Variants in PRSS23 observed in about 807,000 individuals in gnomAD.
The protein encoded by PRSS23 is serine protease 23.
Under a neutral mutation model 34.7 loss-of-function variants are expected in PRSS23, and 25 were observed. The ratio of observed to expected loss-of-function variants is 0.72; its 90% CI spans 0.53 to 1.01. The LOEUF is 1.01. Ranked by LOEUF, PRSS23 falls within the 50% of genes least tolerant of loss-of-function variation. The pLI is 0.00. For synonymous variants in PRSS23, 176 were observed against 186.6 expected (o/e 0.94, Z 0.46); for missense variants, 445 against 475.6 (o/e 0.94, Z 0.60).
At chr11:86,857,030 C>T (rs1449353042) in intron 2 of PRSS23, 1 of 157,940 alleles carries the variant, frequency 6.3e-6, no homozygotes, top group African/African-American at 2.4e-5. Flanking sequence ...TGTGGTTGCC[C>T]TTTCTTACTC....
chr11:86,879,805 C>A (rs1314392682), intron 2 of PRSS23, among the ~76,000 whole-genome samples: 1 of 108,404 alleles, frequency 9.2e-6, no homozygotes, highest in Non-Finnish European at 2.0e-5. Context: ...CCAGCCGCCC[C>A]GTCCGGGAGG....
At chr11:86,935,562 T>C (rs1487183220) in intron 2 of PRSS23, 1 of 152,226 alleles carries the variant, frequency 6.6e-6, no homozygotes, top group Non-Finnish European at 1.5e-5. Context: ...TTCAAATCAT[T>C]GTTGCATTGT....
In PRSS23 at chr11:86,810,233, AT is replaced by A. The variant is rs1948162192; in HGVS notation, c.*1439del. 6.0e-6 allele frequency: 1 copy of A among 166,930 alleles called. No individual in the cohort carries two copies. Among genetic ancestry groups the A allele is most frequent in the South Asian group, 2.1e-4 (1 of 4,836 alleles). The allele number at this position is 166,930 out of a possible 1,614,324, so 10.3% of individuals were successfully genotyped here. A position where few individuals can be genotyped will look rare whatever the true frequency, so the allele number is the denominator to read the frequency against. On this transcript the variant is annotated 3_prime_UTR_variant, in exon 2 of 2. Transcript: ENST00000280258. The stretch of plus-strand genomic sequence containing the variant: ...TCTTTCTAAATGTATCGGAGAAAAA[AT>A]CAAATGGACTACAAGCACGTGTTTG...
chr11:86,834,866 C>G (rs1441937673), intron 2 of PRSS23, among the ~76,000 whole-genome samples: 1 of 152,138 alleles, frequency 6.6e-6, no homozygotes, highest in African/African-American at 2.4e-5. Flanking sequence ...ACAGTAGTTC[C>G]TGGAGTGAGG....
chr11:86,916,689 GCC>G (rs941884786), intron 2 of PRSS23, among the ~76,000 whole-genome samples: 1 of 152,040 alleles, frequency 6.6e-6, no homozygotes. Context: ...GAGAAGAGGT[GCC>G]CCCACTCAGA....
At chr11:86,812,638 A>C (rs1401774410), downstream of PRSS23, among the ~76,000 whole-genome samples, 2 of 150,942 alleles carry the variant, frequency 1.3e-5, no homozygotes, top group Non-Finnish European at 3.0e-5. Context: ...AAATACAAAA[A>C]TTGGCCGGGC....
chr11:86,819,229 G>A (rs1259794449), intron 1 of PRSS23, among the ~76,000 whole-genome samples: 1 of 152,142 alleles, frequency 6.6e-6, no homozygotes, highest in East Asian at 1.9e-4. Flanking sequence ...TAGAAAGCCA[G>A]CGAGAGACCC....
intron 2 of PRSS23, among the ~76,000 whole-genome samples, chr11:86,843,584 C>G (rs1172613084): frequency 1.3e-5 from 2 of 150,974 alleles, no homozygotes; most frequent in East Asian, 3.9e-4. Flanking sequence ...AGAAAAAAAG[C>G]CCCATCAAAA....
At chr11:86,902,520 G>A (rs1948918322) in intron 2 of PRSS23, among the ~76,000 whole-genome samples, 1 of 152,180 alleles carries the variant, frequency 6.6e-6, no homozygotes, top group Non-Finnish European at 1.5e-5. Context: ...TTTAAAGAGA[G>A]ATGCCCTAGA....
chr11:86,840,428 A>G (rs1162746928), intron 2 of PRSS23, among the ~76,000 whole-genome samples: 1 of 152,242 alleles, frequency 6.6e-6, no homozygotes, highest in African/African-American at 2.4e-5. Flanking sequence ...TATCCTAAAT[A>G]TATATGCACC....
In PRSS23 at chr11:86,808,480, C is replaced by A; in HGVS notation, c.837C>A (p.Phe279Leu). The A allele has an allele frequency of 6.2e-7, 1 of 1,614,216 alleles. No homozygotes were observed. The change falls in exon 2 of 2, where the codon TTC becomes TTA. Residue 279 changes from phenylalanine (F) to leucine (L), a missense_variant. Transcript: ENST00000280258. ...AKQLPGGRIHFSGYDNDRPGN... is the reference protein window; with the variant it reads ...AKQLPGGRIHLSGYDNDRPGN... ...AGCTGCCAGGGGGCAGAATTCACTTCTCTGGTTATGACAATGACCGACCAG... is the reference window on the plus strand; with the variant it reads ...AGCTGCCAGGGGGCAGAATTCACTTATCTGGTTATGACAATGACCGACCAG...
intron 2 of PRSS23, among the ~76,000 whole-genome samples, chr11:86,850,846 A>G (rs1948523565): frequency 6.6e-6 from 1 of 152,200 alleles, no homozygotes; most frequent in African/African-American, 2.4e-5. Context: ...TCAAAATCTA[A>G]GACATGTCAC....
At chr11:86,830,462 G>T (rs193001301) in intron 2 of PRSS23, among the ~76,000 whole-genome samples, 7 of 152,136 alleles carry the variant, frequency 4.6e-5, no homozygotes, top group Non-Finnish European at 5.9e-5. Flanking sequence ...GCAGTGCCTC[G>T]CCCTGCTTCA....
chr11:86,920,401 A>G (rs1254852673), intron 2 of PRSS23, among the ~76,000 whole-genome samples: 1 of 152,182 alleles, frequency 6.6e-6, no homozygotes, highest in Non-Finnish European at 1.5e-5. Flanking sequence ...TCTACTTTTC[A>G]AGACCCTGTT....
intron 1 of PRSS23, among the ~76,000 whole-genome samples, chr11:86,817,597 C>T (rs1948223361): frequency 6.6e-6 from 1 of 152,198 alleles, no homozygotes. Context: ...TTCAGCTCTC[C>T]TGTTTGCCAC....
At chr11:86,821,784 G>A (rs1337123978) in intron 1 of PRSS23, 5 of 958,388 alleles carry the variant, frequency 5.2e-6, no homozygotes, top group Admixed American at 2.3e-5. Context: ...AGCCCGTTCC[G>A]CCTCAGCACG....
At chr11:86,924,626 C>G (rs1949068726) in intron 2 of PRSS23, among the ~76,000 whole-genome samples, 1 of 152,146 alleles carries the variant, frequency 6.6e-6, no homozygotes, top group South Asian at 2.1e-4. Flanking sequence ...GTTTACTCAA[C>G]TGGAAAAGAA....
chr11:86,930,789 C>CAAA (rs56369539), intron 2 of PRSS23, among the ~76,000 whole-genome samples: 15 of 123,970 alleles, frequency 1.2e-4, no homozygotes, highest in African/African-American at 4.5e-4. Context: ...GACTCCGTCT[C>CAAA]AAAAAAAAAA....
chr11:86,823,609 A>G (rs1590879240), intron 2 of PRSS23: 1 of 702,492 alleles, frequency 1.4e-6, no homozygotes, highest in East Asian at 2.7e-5. Flanking sequence ...TTCATATCAG[A>G]TTATCACAAA....
Sources: gnomAD v4.1 joint callset for allele counts (sites outside exome capture counted in the v4.1 genomes callset) on GRCh38, gnomAD v4.1.1 for gene constraint, MANE v1.5 for transcripts, NCBI Gene and HGNC (gene_info 2026-07-23, HGNC 2026-07-21) for gene names.